Variants in ANO4 observed in about 807,000 individuals in gnomAD.
ANO4 encodes anoctamin-4.
Under a neutral mutation model 141.9 loss-of-function variants are expected in ANO4, and 69 were observed. The ratio of observed to expected loss-of-function variants is 0.49; its 90% CI spans 0.40 to 0.59. The LOEUF (loss-of-function observed/expected upper bound fraction) is 0.59. ANO4 is among the 20% of genes least tolerant of loss of function. The pLI, the probability that ANO4 is intolerant of heterozygous loss-of-function variation, is 0.00. For missense variants in ANO4, 894 were observed against 1,162.2 expected (o/e 0.77, Z 3.36); for synonymous variants, 350 against 394.3 (o/e 0.89, Z 1.33).
intron 2 of ANO4, among the ~76,000 whole-genome samples, chr12:100,907,850 T>C (rs1046362197): frequency 6.6e-6 from 1 of 152,240 alleles, no homozygotes; most frequent in Non-Finnish European, 1.5e-5. Flanking sequence ...GCTATCTCTT[T>C]GAAAATGCAG....
chr12:101,078,147 A>G (rs1339055320), intron 14 of ANO4, among the ~76,000 whole-genome samples: 1 of 152,170 alleles, frequency 6.6e-6, no homozygotes, highest in Non-Finnish European at 1.5e-5. Flanking sequence ...TTTTTTTGAC[A>G]TGGCCATTTA....
At chr12:100,958,839 C>A (rs571327414) in intron 5 of ANO4, among the ~76,000 whole-genome samples, 2 of 151,694 alleles carry the variant, frequency 1.3e-5, no homozygotes, top group Non-Finnish European at 2.9e-5. Context: ...CAAGTGAGAA[C>A]CTGTCTCAAA....
At chr12:100,779,069 A>G (rs1213460963) in intron 3 of ANO4, among the ~76,000 whole-genome samples, 1 of 152,048 alleles carries the variant, frequency 6.6e-6, no homozygotes, top group Non-Finnish European at 1.5e-5. Flanking sequence ...AAAACAAAAA[A>G]CAAAAAAACA....
intron 7 of ANO4, 39 bp from the exon 8 acceptor site, chr12:100,987,500 C>T (rs1188753977): frequency 6.2e-7 from 1 of 1,603,482 alleles, no homozygotes; most frequent in Non-Finnish European, 8.5e-7. Flanking sequence ...GCATTGCTGA[C>T]ATGCTGTACC....
chr12:101,110,270 G>T (rs1391947609), intron 22 of ANO4, 134 bp from the exon 23 acceptor site: 19 of 915,514 alleles, frequency 2.1e-5, no homozygotes, highest in Non-Finnish European at 2.8e-5. Flanking sequence ...CCATCTTTCT[G>T]GAAGAGATAT....
intron 5 of ANO4, among the ~76,000 whole-genome samples, chr12:100,970,009 T>A (rs2043847340): frequency 6.6e-6 from 1 of 152,216 alleles, no homozygotes; most frequent in African/African-American, 2.4e-5. Flanking sequence ...GTTGGATGGT[T>A]ACTGGGGTGT....
intron 1 of ANO4, among the ~76,000 whole-genome samples, chr12:100,868,796 C>T (rs960556906): frequency 3.3e-5 from 5 of 152,242 alleles, no homozygotes; most frequent in African/African-American, 7.2e-5. Context: ...CAGCAGGGAT[C>T]AGCTCAGGAC....
chr12:100,940,063 A>AT (rs5800442), intron 4 of ANO4, among the ~76,000 whole-genome samples: 122,325 of 151,624 alleles, frequency 0.81, 49,573 homozygotes, highest in African/African-American at 0.89. Flanking sequence ...CATATTCCTA[A>AT]GGTTTTTATA....
chr12:101,052,181 T>A (rs1193260458), intron 14 of ANO4, among the ~76,000 whole-genome samples: 1 of 152,110 alleles, frequency 6.6e-6, no homozygotes, highest in Admixed American at 6.5e-5. Context: ...GGCCTTGGCA[T>A]TGGGTTAGGA....
intron 2 of ANO4, among the ~76,000 whole-genome samples, chr12:100,908,033 G>C (rs1354070562): frequency 6.6e-6 from 1 of 152,238 alleles, no homozygotes; most frequent in Non-Finnish European, 1.5e-5. Flanking sequence ...CACATTGTGA[G>C]TTAATATTTC....
chr12:101,039,855 T>G, intron 10 of ANO4, 100 bp from the exon 11 acceptor site: 1 of 1,331,524 alleles, frequency 7.5e-7, no homozygotes, highest in Non-Finnish European at 1.0e-6. Flanking sequence ...CTCATACCAC[T>G]CCTATCACAA....
chr12:100,814,928 G>A (rs2035645627), intron 1 of ANO4, among the ~76,000 whole-genome samples: 1 of 152,118 alleles, frequency 6.6e-6, no homozygotes, highest in African/African-American at 2.4e-5. Flanking sequence ...GTGGGAGAGG[G>A]GGCTGCAGGG....
chr12:100,995,122 G>T (rs1200234046), intron 8 of ANO4, among the ~76,000 whole-genome samples: 1 of 151,576 alleles, frequency 6.6e-6, no homozygotes, highest in Non-Finnish European at 1.5e-5. Context: ...GAAAAAGAGG[G>T]TGGGGTGAGG....
At chr12:101,084,761 T>C (rs1158077621) in intron 16 of ANO4, among the ~76,000 whole-genome samples, 1 of 152,232 alleles carries the variant, frequency 6.6e-6, no homozygotes, top group Non-Finnish European at 1.5e-5. Context: ...ATTTATTGTA[T>C]TGTTTCTTAC....
intron 1 of ANO4, among the ~76,000 whole-genome samples, chr12:100,899,110 A>C (rs2136018614): frequency 6.6e-6 from 1 of 152,306 alleles, no homozygotes; most frequent in South Asian, 2.1e-4. Flanking sequence ...ATACTTGCCT[A>C]GGCACCTGAG....
At chr12:100,735,271 C>T (rs767048641) in intron 2 of ANO4, among the ~76,000 whole-genome samples, 1 of 152,108 alleles carries the variant, frequency 6.6e-6, no homozygotes, top group African/African-American at 2.4e-5. Flanking sequence ...AGTGGCAGGA[C>T]TTGGTTCAGA....
At chr12:101,002,342 C>A (rs1250329772) in intron 8 of ANO4, among the ~76,000 whole-genome samples, 3 of 152,228 alleles carry the variant, frequency 2.0e-5, no homozygotes, top group Non-Finnish European at 4.4e-5. Context: ...CTTGGCTGTG[C>A]ACCTGCAGGA....
intron 2 of ANO4, among the ~76,000 whole-genome samples, chr12:100,903,671 A>C (rs78762897): frequency 0.047 from 7,103 of 152,312 alleles, 285 homozygotes; most frequent in Non-Finnish European, 0.067. Flanking sequence ...CTGAATTCAT[A>C]GGTCAGGCTA....
At chr12:100,981,983 A>C (rs1011049306) in intron 7 of ANO4, among the ~76,000 whole-genome samples, 6 of 152,176 alleles carry the variant, frequency 3.9e-5, no homozygotes, top group Admixed American at 3.9e-4. Context: ...AGAGCTGGCA[A>C]GTTTGTACCC....
Sources: gnomAD v4.1 joint callset for allele counts (sites outside exome capture counted in the v4.1 genomes callset) on GRCh38, gnomAD v4.1.1 for gene constraint, MANE v1.5 for transcripts, NCBI Gene and HGNC (gene_info 2026-07-23, HGNC 2026-07-21) for gene names.